The following RNF4 variants were observed in gnomAD, a reference collection of about 807,000 sequenced individuals.
RNF4 encodes E3 ubiquitin-protein ligase RNF4.
A neutral mutation model predicts 24.3 loss-of-function variants in RNF4; 7 were observed. That is an observed-to-expected ratio of 0.29 (90% CI 0.16 to 0.54). RNF4 has a LOEUF of 0.54. Ranked by LOEUF, RNF4 falls within the 20% of genes least tolerant of loss-of-function variation. The pLI is 0.95. For missense variants in RNF4, 209 were observed against 248.5 expected, an observed-to-expected ratio of 0.84 and a Z score of 1.07; for synonymous variants, 83 against 84.3, an observed-to-expected ratio of 0.98 and a Z score of 0.09.
At chr4:2,494,373 CTTTTT>C (rs753327529) in intron 2 of RNF4, among the ~76,000 whole-genome samples, 3 of 98,230 alleles carry the variant, frequency 3.1e-5, no homozygotes, top group African/African-American at 7.1e-5. Context: ...CAACTTAGAA[CTTTTT>C]TTTTTTTTTT....
intron 1 of RNF4, among the ~76,000 whole-genome samples, chr4:2,482,130 T>G (rs936698592): frequency 6.6e-6 from 1 of 152,212 alleles, no homozygotes. Flanking sequence ...TGTCTCTCTT[T>G]AGGAGCCCGG....
chr4:2,483,404 C>T (rs897775402), intron 1 of RNF4, among the ~76,000 whole-genome samples: 10 of 152,184 alleles, frequency 6.6e-5, no homozygotes, highest in Non-Finnish European at 1.5e-4. Context: ...CATTGCTGAC[C>T]GCTTAACCAC....
intron 2 of RNF4, among the ~76,000 whole-genome samples, chr4:2,492,289 C>G (rs1735605806): frequency 6.6e-6 from 1 of 152,138 alleles, no homozygotes; most frequent in Non-Finnish European, 1.5e-5. Context: ...AAGCAGTCCT[C>G]CCACCTAGGC....
In RNF4 at chr4:2,513,066, A is replaced by C; in HGVS notation, c.375-17A>C. ...TTGCGTTGACTGAGAAACTAACGTG[A>C]AGCACTGTGCTCTTAGGCCCTCAGG... On this transcript the variant is annotated splice_polypyrimidine_tract_variant and intron_variant, in intron 6 of 7. Coordinates refer to ENST00000314289, the MANE Select transcript of RNF4 (RefSeq NM_002938.5). 6.2e-7 allele frequency: 1 copy of C among 1,613,258 alleles called. No individual in the cohort carries two copies. Among genetic ancestry groups the C allele is most frequent in the Non-Finnish European group, 8.5e-7 (1 of 1,179,236 alleles).
intron 4 of RNF4, 63 bp from the exon 5 acceptor site, chr4:2,511,893 G>A (rs3128839): frequency 0.86 from 1,317,323 of 1,530,544 alleles, 568,309 homozygotes; most frequent in African/African-American, 0.97. Flanking sequence ...AAATGGCTTC[G>A]TTTATCACTT....
intron 1 of RNF4, among the ~76,000 whole-genome samples, chr4:2,485,376 T>C (rs1475757934): frequency 1.3e-5 from 2 of 152,224 alleles, no homozygotes; most frequent in African/African-American, 4.8e-5. Flanking sequence ...TTACAGATTC[T>C]ATCTACCTGC....
At position 2,469,186 on chromosome 4, in the gene RNF4, C is replaced by T. The variant is rs1734809530; in HGVS notation, c.-230C>T. 2 of 152,200 alleles carry T rather than the reference C, an allele frequency of 1.3e-5. No homozygotes were observed. The highest frequency in any genetic ancestry group is 4.8e-5 in the African/African-American group (2 of 41,438). 9.4% of individuals were successfully genotyped at this position (152,200 alleles called of 1,614,324 possible). A position where few individuals can be genotyped will look rare whatever the true frequency, so the allele number is the denominator to read the frequency against. ...GCGGCTGAAGAAGGAGCTTCTTCTC[C>T]GGAGTGCGCCGGCGGTGGCGCCTGC... On this transcript the variant is annotated 5_prime_UTR_variant, in exon 1 of 8. Transcript: ENST00000314289.
At chr4:2,483,895 C>G (rs143143913) in intron 1 of RNF4, among the ~76,000 whole-genome samples, 1 of 151,478 alleles carries the variant, frequency 6.6e-6, no homozygotes, top group African/African-American at 2.4e-5. Context: ...TGCAATGGTG[C>G]GATCTCGGCT....
chr4:2,502,122 T>C (rs1432437859), intron 4 of RNF4, among the ~76,000 whole-genome samples: 1 of 152,344 alleles, frequency 6.6e-6, no homozygotes, highest in South Asian at 2.1e-4. Context: ...CACTGATTTT[T>C]CCCCTCTTTC....
Position 2,498,694 on chromosome 4 carries a change from C to G in RNF4, c.124+1573C>G, listed in dbSNP as rs1428088732. Among the ~76,000 whole-genome samples the G allele has an allele frequency of 2.0e-5, 3 of 152,158 alleles. No individual in the cohort carries two copies. In the East Asian group the frequency reaches 5.8e-4, roughly 29 times the overall value. On this transcript the variant is annotated intron_variant, in intron 3 of 7. Coordinates refer to ENST00000314289, the MANE Select transcript of RNF4 (RefSeq NM_002938.5). ...TATGATACAAGAAAATAAAACAGGC[C>G]AGCCAGATTGCTTGAGCCCAGGAGT...
intron 4 of RNF4, among the ~76,000 whole-genome samples, chr4:2,510,687 G>T (rs1163818639): frequency 6.6e-6 from 1 of 152,248 alleles, no homozygotes; most frequent in Non-Finnish European, 1.5e-5. Context: ...TCCTGCCCAG[G>T]GGACAGGCAG....
intron 4 of RNF4, 31 bp from the exon 5 acceptor site, chr4:2,511,925 T>C (rs776915187): frequency 1.3e-6 from 2 of 1,593,096 alleles, no homozygotes; most frequent in Admixed American, 3.6e-5. Context: ...ATTGCTTCTT[T>C]CTCTTTTGTT....
chr4:2,490,974 G>A (rs922614851), intron 2 of RNF4, among the ~76,000 whole-genome samples: 6 of 152,284 alleles, frequency 3.9e-5, no homozygotes, highest in Admixed American at 3.9e-4. Context: ...TGTAGTCCCA[G>A]CTACTTGGGA....
intron 4 of RNF4, among the ~76,000 whole-genome samples, chr4:2,501,315 G>T (rs1201531849): frequency 1.3e-5 from 2 of 152,150 alleles, no homozygotes; most frequent in African/African-American, 4.8e-5. Context: ...ACTGCCCATG[G>T]GAAATCTCTC....
At chr4:2,513,045 G>C (rs750049464) in intron 6 of RNF4, 38 bp from the exon 7 acceptor site, 1 of 1,603,868 alleles carries the variant, frequency 6.2e-7, no homozygotes, top group African/African-American at 1.3e-5. Context: ...AAATGTTTGC[G>C]TTGACTGAGA....
chr4:2,511,843 C>A, intron 4 of RNF4, 113 bp from the exon 5 acceptor site: 1 of 1,087,014 alleles, frequency 9.2e-7, no homozygotes, highest in Non-Finnish European at 1.4e-6. Flanking sequence ...CTGCTGCTCA[C>A]CAGAGGGTTC....
At position 2,514,639 on chromosome 4, in the gene RNF4, G is replaced by A. The variant is rs1371088697; in HGVS notation, c.*820G>A. ...TGCAAGATAAATAGGGCAGGCACGT[G>A]TTTGGGTGTCCTCTCTTTTCTGATA... On this transcript the variant is annotated 3_prime_UTR_variant, in exon 8 of 8. Coordinates refer to ENST00000314289, the MANE Select transcript of RNF4 (RefSeq NM_002938.5). 6.5e-6 allele frequency: 1 copy of A among 152,706 alleles called. No homozygotes were observed. Among genetic ancestry groups the A allele is most frequent in the Non-Finnish European group, 1.5e-5 (1 of 68,106 alleles). The allele number at this position is 152,706 out of a possible 1,614,324, so 9.5% of individuals were successfully genotyped here.
chr4:2,492,063 T>C (rs1212854960), intron 2 of RNF4, among the ~76,000 whole-genome samples: 1 of 151,876 alleles, frequency 6.6e-6, no homozygotes, highest in Non-Finnish European at 1.5e-5. Context: ...CCAGGCATAG[T>C]TGGCGGGCGC....
Position 2,483,949 on chromosome 4 carries a change from C to T in RNF4, c.-157-6388C>T, listed in dbSNP as rs532500467. On this transcript the variant is annotated intron_variant, in intron 1 of 7. Coordinates refer to ENST00000314289, the MANE Select transcript of RNF4 (RefSeq NM_002938.5). ...TCGAGCGATTCTCCTGCCTCAGGTT[C>T]CCGAGTAGCTGGGATTACAGGCGCC... Among the ~76,000 whole-genome samples the T allele has an allele frequency of 6.6e-5, 10 of 151,114 alleles. 1 individual carries two copies. In the East Asian group the frequency reaches 7.8e-4, roughly 12 times the overall value.
Sources: allele counts gnomAD v4.1 joint callset (sites outside exome capture counted in the v4.1 genomes callset), GRCh38; gene constraint gnomAD v4.1.1; transcripts MANE v1.5; gene names NCBI Gene and HGNC (gene_info 2026-07-23, HGNC 2026-07-21).